The following UXS1 variants were observed in gnomAD, a reference collection of about 807,000 sequenced individuals.
UXS1 encodes UDP-glucuronic acid decarboxylase 1.
In UXS1, 33 loss-of-function variants were observed where a neutral mutation model predicts 62.6. That is an observed-to-expected ratio of 0.53 (90% CI 0.40 to 0.70). UXS1 has a LOEUF of 0.70. Ranked by LOEUF, UXS1 falls within the 30% of genes least tolerant of loss-of-function variation. The pLI is 0.00. For synonymous variants in UXS1, 213 were observed against 206.8 expected, an observed-to-expected ratio of 1.03 and a Z score of -0.26; for missense variants, 434 against 556.3, an observed-to-expected ratio of 0.78 and a Z score of 2.21.
intron 12 of UXS1, chr2:106,100,666 A>C (rs1558673255): frequency 5.5e-6 from 1 of 180,626 alleles, no homozygotes; most frequent in Non-Finnish European, 1.2e-5. Flanking sequence ...GACAGACATC[A>C]TCAGCAACCG....
At chr2:106,114,377 C>T (rs146824135) in intron 9 of UXS1, among the ~76,000 whole-genome samples, 246 of 152,282 alleles carry the variant, frequency 1.6e-3, no homozygotes, top group Non-Finnish European at 2.6e-3. Context: ...CTTTTCTCCA[C>T]CGAACTAATG....
intron 1 of UXS1, among the ~76,000 whole-genome samples, chr2:106,192,163 C>A (rs1452352570): frequency 6.6e-6 from 1 of 152,218 alleles, no homozygotes; most frequent in Non-Finnish European, 1.5e-5. Flanking sequence ...ACAGCACAGA[C>A]CAGTTAAGTT....
intron 11 of UXS1, among the ~76,000 whole-genome samples, chr2:106,103,369 C>A (rs772731845): frequency 6.6e-6 from 1 of 152,204 alleles, no homozygotes; most frequent in African/African-American, 2.4e-5. Context: ...CTGGGCGCCA[C>A]TGGTGAGGCA....
chr2:106,111,975 C>A lies in UXS1; in HGVS notation c.879+671G>T, dbSNP rs575042059. Among the ~76,000 whole-genome samples the A allele has an allele frequency of 1.2e-4, 18 of 152,310 alleles. No individual in the cohort carries two copies. The South Asian group carries it at 3.5e-3, about 30-fold the overall frequency. On this transcript the variant is annotated intron_variant, in intron 10 of 14. Transcript: ENST00000283148. ...GGGAGGATTAGCAAAACCAAAGATG[C>A]CGGCAGAGCCTCTCACCAGGCAGGC...
chr2:106,127,377 T>G (rs1169202641), intron 7 of UXS1, among the ~76,000 whole-genome samples: 1 of 152,232 alleles, frequency 6.6e-6, no homozygotes, highest in Non-Finnish European at 1.5e-5. Flanking sequence ...CTTTCTAGTT[T>G]ATAGTTTTCT....
Position 106,194,228 on chromosome 2 carries a change from G to C in UXS1, c.14C>G (p.Ala5Gly), listed in dbSNP as rs1321936213. 1.2e-5 allele frequency: 18 copies of C among 1,450,336 alleles called. No individual in the cohort carries two copies. Among genetic ancestry groups the C allele is most frequent in the Non-Finnish European group, 1.6e-5 (18 of 1,096,990 alleles). The allele number at this position is 1,450,336 out of a possible 1,614,324, so 89.8% of individuals were successfully genotyped here. The change falls in exon 1 of 15, where the codon GCG (alanine) becomes GGG (glycine). Residue 5 changes from alanine to glycine, a missense_variant. Ala to Gly is a moderately conservative substitution (Grantham distance 60). Coordinates refer to ENST00000283148, the MANE Select transcript of UXS1 (RefSeq NM_001253875.2). MVSK[A>G]LLRLVSAVNR... ...GACGGCAGACACGAGGCGCAGCAGC[G>C]CCTTGCTCACCATCCCCGGGAGCCG...
At chr2:106,123,144 A>C in intron 8 of UXS1, 53 bp from the exon 9 acceptor site, 2 of 1,608,470 alleles carry the variant, frequency 1.2e-6, no homozygotes, top group East Asian at 2.2e-5. Context: ...TCCAGTTCAT[A>C]TCAATAATGC....
chr2:106,123,225 C>T, intron 8 of UXS1, 134 bp from the exon 9 acceptor site: 1 of 1,267,568 alleles, frequency 7.9e-7, no homozygotes, highest in Non-Finnish European at 1.1e-6. Context: ...AAGAGGCAAC[C>T]TCAGGTTTCC....
At chr2:106,128,155 G>C (rs369818969) in intron 7 of UXS1, among the ~76,000 whole-genome samples, 4 of 152,128 alleles carry the variant, frequency 2.6e-5, no homozygotes, top group South Asian at 4.1e-4. Flanking sequence ...TATGATGGAG[G>C]GGGGCGGGAC....
intron 1 of UXS1, among the ~76,000 whole-genome samples, chr2:106,170,350 A>C (rs1683476655): frequency 6.6e-6 from 1 of 152,148 alleles, no homozygotes; most frequent in African/African-American, 2.4e-5. Flanking sequence ...CTGTGTGGCC[A>C]AGGTCTGCTG....
intron 10 of UXS1, 68 bp downstream of exon 10, chr2:106,112,578 C>A: frequency 1.9e-6 from 3 of 1,582,886 alleles, no homozygotes; most frequent in Non-Finnish European, 2.6e-6. Context: ...TGCACTTATC[C>A]CTCATCCTTT....
chr2:106,096,532 C>T (rs1677124047), intron 14 of UXS1, among the ~76,000 whole-genome samples, 186 bp downstream of exon 14: 1 of 152,188 alleles, frequency 6.6e-6, no homozygotes, highest in African/African-American at 2.4e-5. Context: ...TCCCAGGTAA[C>T]ATTCTCTGAG....
chr2:106,142,707 C>T lies in UXS1; in HGVS notation c.472+2483G>A, dbSNP rs142388076. On this transcript the variant is annotated intron_variant, in intron 6 of 14. Coordinates refer to ENST00000283148, the MANE Select transcript of UXS1 (RefSeq NM_001253875.2). Reference sequence around the variant, plus strand: ...TGGAGGGCAGCAAGGGGGAAATTATCAAGGGCACAGAAGACCTGATGCCAA... The same window carrying T: ...TGGAGGGCAGCAAGGGGGAAATTATTAAGGGCACAGAAGACCTGATGCCAA... Among the ~76,000 whole-genome samples, 331 of 152,254 alleles carry T rather than the reference C, an allele frequency of 2.2e-3. 1 individual carries two copies. The highest frequency in any genetic ancestry group is 7.6e-3 in the African/African-American group (315 of 41,520).
intron 5 of UXS1, among the ~76,000 whole-genome samples, chr2:106,152,515 GAGGGA>G (rs1444123803): frequency 8.3e-6 from 1 of 120,518 alleles, no homozygotes; most frequent in Non-Finnish European, 1.7e-5. Context: ...GGGAGGGAGG[GAGGGA>G]AAAGAAAAGA....
intron 6 of UXS1, among the ~76,000 whole-genome samples, chr2:106,140,324 A>G (rs1277188745): frequency 6.6e-6 from 1 of 152,246 alleles, no homozygotes; most frequent in African/African-American, 2.4e-5. Context: ...GCTCCAAATT[A>G]AACAGAGGGC....
chr2:106,149,289 A>G (rs530920504), intron 5 of UXS1, among the ~76,000 whole-genome samples: 167 of 152,290 alleles, frequency 1.1e-3, no homozygotes, highest in African/African-American at 3.2e-3. Flanking sequence ...TGCACATAAT[A>G]AAATTCATGG....
chr2:106,171,613 G>A (rs1296437184), intron 1 of UXS1, among the ~76,000 whole-genome samples: 2 of 152,204 alleles, frequency 1.3e-5, no homozygotes, highest in Non-Finnish European at 2.9e-5. Context: ...CTGAATGCCA[G>A]GCCACACAGA....
chr2:106,109,764 G>A (rs1423122676), intron 10 of UXS1, among the ~76,000 whole-genome samples: 1 of 152,200 alleles, frequency 6.6e-6, no homozygotes, highest in Non-Finnish European at 1.5e-5. Context: ...ACAGCAACGA[G>A]TGAGATGCTA....
intron 11 of UXS1, chr2:106,101,412 C>G (rs1677590099): frequency 2.9e-6 from 1 of 347,326 alleles, no homozygotes; most frequent in South Asian, 6.1e-5. Context: ...CACTGCATTT[C>G]TGAAGTCCTT....
Sources: allele counts gnomAD v4.1 joint callset (sites outside exome capture counted in the v4.1 genomes callset), GRCh38; gene constraint gnomAD v4.1.1; transcripts MANE v1.5; gene names NCBI Gene and HGNC (gene_info 2026-07-23, HGNC 2026-07-21).